ANKRD7: variants seen among roughly 807,000 people sequenced by gnomAD.
ANKRD7 encodes ankyrin repeat domain 7, also known as ankyrin repeat domain-containing protein 7.
A neutral mutation model predicts 30.8 loss-of-function variants in ANKRD7; 30 were observed. The ratio of observed to expected loss-of-function variants is 0.97; its 90% CI spans 0.73 to 1.32. The LOEUF (loss-of-function observed/expected upper bound fraction) is 1.32. ANKRD7 is among the 40% of genes most tolerant of loss of function. ANKRD7 has a pLI of 0.00. For synonymous variants in ANKRD7, 97 were observed against 106.6 expected, an observed-to-expected ratio of 0.91 and a Z score of 0.55; for missense variants, 264 against 295.7, an observed-to-expected ratio of 0.89 and a Z score of 0.79.
At chr7:118,225,461 C>G (rs1211829142) in intron 1 of ANKRD7, among the ~76,000 whole-genome samples, 1 of 150,104 alleles carries the variant, frequency 6.7e-6, no homozygotes. Flanking sequence ...GCATTCCAGC[C>G]TGAGTAACAG....
chr7:118,239,880 C>A, intron 5 of ANKRD7, 29 bp from the exon 6 acceptor site: 3 of 1,455,364 alleles, frequency 2.1e-6, no homozygotes, highest in Non-Finnish European at 2.9e-6. Context: ...TCTATGCATG[C>A]TGGCATTCAC....
intron 5 of ANKRD7, among the ~76,000 whole-genome samples, chr7:118,237,824 G>A (rs1311852819): frequency 6.6e-6 from 1 of 151,976 alleles, no homozygotes; most frequent in Non-Finnish European, 1.5e-5. Flanking sequence ...TACAGAACGT[G>A]TACTTTGTTT....
At chr7:118,230,822 A>G (rs368979884) in intron 1 of ANKRD7, among the ~76,000 whole-genome samples, 26 of 152,012 alleles carry the variant, frequency 1.7e-4, no homozygotes, top group African/African-American at 5.3e-4. Flanking sequence ...GTAAATTACA[A>G]TGTTTTATCA....
chr7:118,225,887 A>T (rs1280227900), intron 1 of ANKRD7, among the ~76,000 whole-genome samples: 1 of 152,170 alleles, frequency 6.6e-6, no homozygotes, highest in East Asian at 1.9e-4. Flanking sequence ...CACCAAATAT[A>T]TGCTGCAAAT....
At chr7:118,236,370 T>C (rs369209940) in intron 4 of ANKRD7, among the ~76,000 whole-genome samples, 1 of 152,108 alleles carries the variant, frequency 6.6e-6, no homozygotes, top group Non-Finnish European at 1.5e-5. Context: ...AATCAAACAG[T>C]TGGGCCAGGT....
intron 1 of ANKRD7, among the ~76,000 whole-genome samples, chr7:118,227,128 C>CT (rs1809556425): frequency 6.6e-6 from 1 of 151,836 alleles, no homozygotes; most frequent in Non-Finnish European, 1.5e-5. Context: ...TCCTTTCTTT[C>CT]TTTTTTGTGT....
At chr7:118,225,266 C>G (rs1404003412) in intron 1 of ANKRD7, among the ~76,000 whole-genome samples, 1 of 152,082 alleles carries the variant, frequency 6.6e-6, no homozygotes, top group Non-Finnish European at 1.5e-5. Context: ...GCGGGTGGGT[C>G]TCCTGAGGTC....
chr7:118,230,947 G>GT (rs1311228969), intron 1 of ANKRD7, among the ~76,000 whole-genome samples: 3 of 151,782 alleles, frequency 2.0e-5, no homozygotes, highest in African/African-American at 7.2e-5. Flanking sequence ...ATGTTTTCTA[G>GT]TAAAAAAAAT....
At chr7:118,239,834 G>T in intron 5 of ANKRD7, 75 bp from the exon 6 acceptor site, 3 of 976,824 alleles carry the variant, frequency 3.1e-6, no homozygotes, top group South Asian at 1.9e-5. Flanking sequence ...GGTACCTAAG[G>T]TTTTGATTTG....
intron 1 of ANKRD7, among the ~76,000 whole-genome samples, chr7:118,232,141 A>T (rs1174708913): frequency 6.6e-6 from 1 of 152,076 alleles, no homozygotes; most frequent in African/African-American, 2.4e-5. Flanking sequence ...CATTTACATT[A>T]TATGTGTAAA....
intron 1 of ANKRD7, among the ~76,000 whole-genome samples, chr7:118,233,694 A>T (rs1230574150): frequency 6.6e-6 from 1 of 152,138 alleles, no homozygotes; most frequent in Admixed American, 6.5e-5. Flanking sequence ...AACATGGATT[A>T]TTTATATGTG....
chr7:118,241,521 C>CTTTT lies in ANKRD7; in HGVS notation c.*38-803_*38-800dup, dbSNP rs3061682. On this transcript the variant is annotated intron_variant, in intron 6 of 6. Transcript: ENST00000265224. ...TTAGGGGAGAATTTCTCTGAATTAC[C>CTTTT]TTTTTTTTTTTTTTTTTTTTTTTTT... Among the ~76,000 whole-genome samples, 135 of 84,548 alleles carry CTTTT rather than the reference C, an allele frequency of 1.6e-3. 1 individual carries two copies. Among genetic ancestry groups the CTTTT allele is most frequent in the Non-Finnish European group, 1.9e-3 (84 of 43,362 alleles). 55.5% of individuals were successfully genotyped at this position (84,548 alleles called of 152,430 possible).
chr7:118,235,292 A>G (rs1191285571), intron 3 of ANKRD7, among the ~76,000 whole-genome samples: 1 of 152,186 alleles, frequency 6.6e-6, no homozygotes, highest in Non-Finnish European at 1.5e-5. Context: ...CTATTGAGGC[A>G]TTATGAATAG....
In ANKRD7 at chr7:118,241,950, C is replaced by T. The variant is rs1018312147; in HGVS notation, c.*38-399C>T. The stretch of plus-strand genomic sequence containing the variant: ...TGAAGAATTTCTGTGATTTACACTT[C>T]GTTTCTTAAGGGAACTAAAGCAGTA... On this transcript the variant is annotated intron_variant, in intron 6 of 6. Transcript: ENST00000265224. 3.9e-5 allele frequency among the ~76,000 whole-genome samples: 6 copies of T among 152,204 alleles called. No homozygotes were observed. The East Asian group carries it at 9.7e-4, about 24-fold the overall frequency.
intron 1 of ANKRD7, among the ~76,000 whole-genome samples, chr7:118,230,468 T>A (rs961140644): frequency 2.6e-5 from 4 of 152,048 alleles, no homozygotes; most frequent in Middle Eastern, 3.4e-3. Context: ...AATTAATAGT[T>A]ACCAGTGGTT....
rs187702880 is a variant in ANKRD7 at position 118,225,941 on chromosome 7, G to A, written c.179+932G>A. Among the ~76,000 whole-genome samples, 657 of 152,260 alleles carry A rather than the reference G, an allele frequency of 4.3e-3. 5 individuals are homozygous for A. Among genetic ancestry groups the A allele is most frequent in the Non-Finnish European group, 5.5e-3 (376 of 68,018 alleles). On this transcript the variant is annotated intron_variant, in intron 1 of 6. Coordinates refer to ENST00000265224, the MANE Select transcript of ANKRD7 (RefSeq NM_019644.4). ...AACGTGTCAGATTCTGGGATAATAT[G>A]ATGAATAAGCCGTACTATTCATTAA...
Position 118,236,166 on chromosome 7 carries a change from A to G in ANKRD7, c.575+19A>G. 7.0e-7 allele frequency: 1 copy of G among 1,435,362 alleles called. No homozygotes were observed. Among genetic ancestry groups the G allele is most frequent in the Non-Finnish European group, 9.7e-7 (1 of 1,026,502 alleles). The allele number at this position is 1,435,362 out of a possible 1,614,324, so 88.9% of individuals were successfully genotyped here. On this transcript the variant is annotated intron_variant, in intron 4 of 6. Coordinates refer to ENST00000265224, the MANE Select transcript of ANKRD7 (RefSeq NM_019644.4). ...ATCAAAGGTATAATTAATAAATAAG[A>G]TAGCACATAACTAAAGCTACCTGAT...
At chr7:118,238,291 G>T (rs1809769052) in intron 5 of ANKRD7, among the ~76,000 whole-genome samples, 1 of 151,942 alleles carries the variant, frequency 6.6e-6, no homozygotes, top group African/African-American at 2.4e-5. Context: ...AATTGTAAGA[G>T]AATTACATTT....
rs377031887 is a variant in ANKRD7, at chr7:118,236,191, T to G, written c.575+44T>G. 36 of 1,182,536 alleles carry G rather than the reference T, an allele frequency of 3.0e-5. No homozygotes were observed. In the African/African-American group the frequency reaches 5.0e-4, roughly 16 times the overall value. 73.3% of individuals were successfully genotyped at this position (1,182,536 alleles called of 1,614,324 possible). A position where few individuals can be genotyped will look rare whatever the true frequency, so the allele number is the denominator to read the frequency against. On this transcript the variant is annotated intron_variant, in intron 4 of 6. Transcript: ENST00000265224. ...ATAGCACATAACTAAAGCTACCTGA[T>G]AGGATTGTGTGTGTGCGTATGTGTG...
Sources: allele counts gnomAD v4.1 joint callset (sites outside exome capture counted in the v4.1 genomes callset), GRCh38; gene constraint gnomAD v4.1.1; transcripts MANE v1.5; gene names NCBI Gene and HGNC (gene_info 2026-07-23, HGNC 2026-07-21).